The following HRNR variants were observed in gnomAD, a reference collection of about 807,000 sequenced individuals.
HRNR encodes the protein hornerin.
Under a neutral mutation model 4.8 loss-of-function variants are expected in HRNR, and 7 were observed. That is an observed-to-expected ratio of 1.47 (90% confidence interval 0.83 to 2.75). HRNR has a LOEUF of 2.75. Among genes scored for constraint, HRNR ranks in the 30% most tolerant of loss-of-function variants. HRNR has a pLI of 0.00. For missense variants in HRNR, 2,879 were observed against 3,010.4 expected (o/e 0.96, Z 1.02); for synonymous variants, 1,023 against 1,242.7 (o/e 0.82, Z 3.72).
In HRNR at chr1:152,218,855, C is replaced by T. The variant is rs141472304; in HGVS notation, c.2774G>A (p.Gly925Asp). 5 of 1,613,818 alleles carry T rather than the reference C, an allele frequency of 3.1e-6. No homozygotes were observed. The highest frequency in any genetic ancestry group is 1.7e-5 in the Admixed American group (1 of 60,002). Residue 925 changes from glycine (G) to aspartate (D), a missense_variant, in exon 3 of 3, where the codon GGC (glycine) becomes GAC (aspartate). Gly to Asp is a moderately conservative substitution (Grantham distance 94, BLOSUM62 -1). Coordinates refer to ENST00000368801, the MANE Select transcript of HRNR (RefSeq NM_001009931.3). ...RSSSSGRHGSGSGQSSGFGHK... is the reference protein window; with the variant it reads ...RSSSSGRHGSDSGQSSGFGHK... ...ACCAAAGCCAGAAGACTGGCCTGAG[C>T]CAGACCCATGTCGGCCACTGCTGGA...
At chr1:152,223,682 C>T (rs1463920238) in intron 1 of HRNR, among the ~76,000 whole-genome samples, 1 of 152,166 alleles carries the variant, frequency 6.6e-6, no homozygotes, top group Non-Finnish European at 1.5e-5. Context: ...CCTTACTCAA[C>T]CTAAGGAGCA....
chr1:152,219,144 T>C lies in HRNR; in HGVS notation c.2485A>G (p.Ser829Gly). Residue 829 changes from serine to glycine, a missense_variant, in exon 3 of 3, where the codon AGT (serine) becomes GGT (glycine). Ser to Gly is a moderately conservative substitution (Grantham distance 56). Around this residue, in one of 8 missense-constraint regions of HRNR, gnomAD observed 2,646 missense variants for 1,377.7 expected, o/e 1.92. Coordinates refer to ENST00000368801, the MANE Select transcript of HRNR (RefSeq NM_001009931.3). ...QHESGSGQGY[S>G]QHGSASGHFS... is the part of the protein sequence containing the mutation. Reference sequence around the variant, plus strand: ...TGACCTGAGGCAGAACCATGCTGACTATAGCCCTGTCCTGAGCCAGACTCG... The same window carrying C: ...TGACCTGAGGCAGAACCATGCTGACCATAGCCCTGTCCTGAGCCAGACTCG... The C allele has an allele frequency of 6.2e-7, 1 of 1,612,996 alleles. No individual in the cohort carries two copies. Among genetic ancestry groups the C allele is most frequent in the Non-Finnish European group, 8.5e-7 (1 of 1,179,864 alleles).
At position 152,219,225 on chromosome 1, in the gene HRNR, A is replaced by T. The variant is rs143461895; in HGVS notation, c.2404T>A (p.Ser802Thr). Residue 802 changes from serine to threonine, a missense_variant, in exon 3 of 3, where the codon TCC becomes ACC. This residue lies in a region of HRNR where 2,646 missense variants were observed against 1,377.7 expected (regional missense o/e 1.92). Coordinates refer to ENST00000368801, the MANE Select transcript of HRNR (RefSeq NM_001009931.3). ...CCAGACTCATAATGGCCACAGCTGG[A>T]AGAACAACTTGTGCCAGACCCGTGT... ...GQHGSGTSCS[S>T]SCGHYESGSG... 1.4e-5 allele frequency: 23 copies of T among 1,613,866 alleles called. No individual in the cohort carries two copies. The East Asian group carries it at 4.7e-4, about 33-fold the overall frequency.
chr1:152,220,559 T>G lies in HRNR; in HGVS notation c.1070A>C (p.Gln357Pro), dbSNP rs1322067492. ...ACCATGCTTACTATAGCCAGAGGACTGTCCTGAGCCAGACTCATGTTGCCC... is the reference window on the plus strand; with the variant it reads ...ACCATGCTTACTATAGCCAGAGGACGGTCCTGAGCCAGACTCATGTTGCCC... ...GFGQHESGSG[Q>P]SSGYSKHGSG... The change falls in exon 3 of 3, where the codon CAG becomes CCG. Residue 357 changes from glutamine to proline, a missense_variant. Gln to Pro is a moderately conservative substitution (Grantham distance 76). This residue lies in a region of HRNR where 2,646 missense variants were observed against 1,377.7 expected (regional missense o/e 1.92). Coordinates refer to ENST00000368801, the MANE Select transcript of HRNR (RefSeq NM_001009931.3). The G allele has an allele frequency of 6.2e-7, 1 of 1,611,492 alleles. No homozygotes were observed. Among genetic ancestry groups the G allele is most frequent in the African/African-American group, 1.3e-5 (1 of 74,830 alleles).
rs1358943789 is a variant in HRNR, at chr1:152,219,557, T to C, written c.2072A>G (p.His691Arg). Residue 691 changes from histidine (H) to arginine (R), a missense_variant, in exon 3 of 3, where the codon CAT becomes CGT. By Grantham distance (29) the His-to-Arg change is conservative. Around this residue, in one of 8 missense-constraint regions of HRNR, gnomAD observed 2,646 missense variants for 1,377.7 expected, o/e 1.92. Coordinates refer to ENST00000368801, the MANE Select transcript of HRNR (RefSeq NM_001009931.3). ...GSGWSSSNGP[H>R]GSVSGQSSGF... Reference sequence around the variant, plus strand: ...GGAAGACTGGCCTGAGACAGACCCATGTGGGCCATTGCTTGAAGACCAACC... The same window carrying C: ...GGAAGACTGGCCTGAGACAGACCCACGTGGGCCATTGCTTGAAGACCAACC... 8 of 1,613,610 alleles carry C rather than the reference T, an allele frequency of 5.0e-6. No homozygotes were observed. In the Admixed American group the frequency reaches 1.0e-4, roughly 20 times the overall value.
At position 152,219,078 on chromosome 1, in the gene HRNR, A is replaced by G. The variant is rs200748489; in HGVS notation, c.2551T>C (p.Ser851Pro). 6.2e-7 allele frequency: 1 copy of G among 1,613,588 alleles called. No individual in the cohort carries two copies. The highest frequency in any genetic ancestry group is 1.1e-5 in the South Asian group (1 of 91,074). ...GAGTCATGTTGGCCGGAGCTTGATG[A>G]CTGCCCTGACGTAGATCCATGTCGT... Reference protein sequence around the residue: ...QGRHGSTSGQSSSSGQHDSSS... With the variant: ...QGRHGSTSGQPSSSGQHDSSS... Residue 851 changes from serine (S) to proline (P), a missense_variant, in exon 3 of 3, where the codon TCA becomes CCA. Around this residue, in one of 8 missense-constraint regions of HRNR, gnomAD observed 2,646 missense variants for 1,377.7 expected, o/e 1.92. Transcript: ENST00000368801.
chr1:152,218,805 A>G lies in HRNR; in HGVS notation c.2824T>C (p.Ser942Pro). The G allele has an allele frequency of 4.3e-6, 7 of 1,613,796 alleles. No individual in the cohort carries two copies. The highest frequency in any genetic ancestry group is 1.3e-5 in the African/African-American group (1 of 74,878). The part of the protein sequence containing the change: ...FGHKSSSGQS[S>P]GYTQHGSGSG... ...CCAGATCCATGCTGAGTGTAACCAG[A>G]GGACTGCCCTGAGCTAGACTTGTGA... Residue 942 changes from serine (S) to proline (P), a missense_variant, in exon 3 of 3, where the codon TCT becomes CCT. Around this residue, in one of 8 missense-constraint regions of HRNR, gnomAD observed 2,646 missense variants for 1,377.7 expected, o/e 1.92. Transcript: ENST00000368801.
At position 152,212,788 on chromosome 1, in the gene HRNR, A is replaced by G; in HGVS notation, c.*288T>C. On this transcript the variant is annotated 3_prime_UTR_variant, in exon 3 of 3. Transcript: ENST00000368801. ...AAAAGACAACTCCAACTAAACCCAA[A>G]GCTCTTTAAAAGCTTTTCATTATTC... 2.2e-6 allele frequency: 1 copy of G among 458,956 alleles called. No individual in the cohort carries two copies. Among genetic ancestry groups the G allele is most frequent in the Non-Finnish European group, 3.8e-6 (1 of 260,852 alleles). 28.4% of individuals were successfully genotyped at this position (458,956 alleles called of 1,614,324 possible).
rs1384389082 is a variant in HRNR at position 152,219,939 on chromosome 1, C to T, written c.1690G>A (p.Gly564Ser). ...QSSSYGPHGY[G>S]SGRSSSRGPY... ...CCACGGCTTGAAGACCTCCCTGAGC[C>T]ATACCCATGTGGGCCATAGCTGGAA... Residue 564 changes from glycine (G) to serine (S), a missense_variant, in exon 3 of 3, where the codon GGC becomes AGC. By Grantham distance (56) the Gly-to-Ser change is moderately conservative. This residue lies in a region of HRNR where 2,646 missense variants were observed against 1,377.7 expected (regional missense o/e 1.92). Transcript: ENST00000368801. The T allele has an allele frequency of 6.2e-7, 1 of 1,613,458 alleles. No homozygotes were observed. Among genetic ancestry groups the T allele is most frequent in the Non-Finnish European group, 8.5e-7 (1 of 1,179,630 alleles).
At position 152,221,457 on chromosome 1, in the gene HRNR, AG is replaced by A; in HGVS notation, c.171del (p.Leu58CysfsTer19). ...TTATGGTCTCGATCCAGACTTTGCA[AG>A]ATGATATCCACAGTATCTGGATCGT... ...NPNDPDTVDI[I>X]LQSLDRDHNK... On this transcript the variant is annotated frameshift_variant, in exon 3 of 3. Transcript: ENST00000368801. LOFTEE classifies it low-confidence loss of function (END_TRUNC). 1 of 1,610,720 alleles carries A rather than the reference AG, an allele frequency of 6.2e-7. No homozygotes were observed. The highest frequency in any genetic ancestry group is 8.5e-7 in the Non-Finnish European group (1 of 1,178,020).
chr1:152,213,173 T>A lies in HRNR; in HGVS notation c.8456A>T (p.His2819Leu), dbSNP rs61314345. The change falls in exon 3 of 3, where the codon CAT becomes CTT. Residue 2819 changes from histidine (H) to leucine (L), a missense_variant. Physicochemically the swap from His to Leu is moderately conservative, Grantham distance 99. This residue lies in a region of HRNR where 158 missense variants were observed against 107.6 expected (regional missense o/e 1.47). Transcript: ENST00000368801. ...GYSYCKGGSN[H>L]DGGSSGSYFL... ...ATATGAGCCAGAACTTCCCCCATCATGGTTACTTCCTCCTTTGCAATAAGA... is the reference window on the plus strand; with the variant it reads ...ATATGAGCCAGAACTTCCCCCATCAAGGTTACTTCCTCCTTTGCAATAAGA... 8 of 1,614,108 alleles carry A rather than the reference T, an allele frequency of 5.0e-6. No individual in the cohort carries two copies. The highest frequency in any genetic ancestry group is 6.8e-6 in the Non-Finnish European group (8 of 1,180,048).
rs1217986135 is a variant in HRNR at position 152,213,049 on chromosome 1, T to C, written c.*27A>G. 15 of 1,587,070 alleles carry C rather than the reference T, an allele frequency of 9.5e-6. No individual in the cohort carries two copies. Among genetic ancestry groups the C allele is most frequent in the Non-Finnish European group, 1.3e-5 (15 of 1,166,892 alleles). On this transcript the variant is annotated 3_prime_UTR_variant, in exon 3 of 3. Transcript: ENST00000368801. ...CTTTCCTATTTCTTAAATTGCTACT[T>C]GAGTAAATTGCATTTATGTTTATTA...
At position 152,219,271 on chromosome 1, in the gene HRNR, C is replaced by A. The variant is rs775651533; in HGVS notation, c.2358G>T (p.Gly786=). 1.5e-5 allele frequency: 25 copies of A among 1,613,006 alleles called. No homozygotes were observed. The highest frequency in any genetic ancestry group is 1.7e-6 in the Non-Finnish European group (2 of 1,179,798). The change falls in exon 3 of 3, where the codon GGG becomes GGT. Residue 786 remains glycine (G), a synonymous_variant. Coordinates refer to ENST00000368801, the MANE Select transcript of HRNR (RefSeq NM_001009931.3). ...CGTGTTGGCCGTGGCTGGAGGAGTG[C>A]CCTGAACTGGACCCATGTCGGACAC... ...PSRVRHGSSS[G]HSSSHGQHGS...
rs566043986 is a variant in HRNR at position 152,218,541 on chromosome 1, C to T, written c.3088G>A (p.Gly1030Ser). ...CCACGGCTTGAAGACCACCCTGAGC[C>T]AGACCTATATGGGCCATAGCTGGAA... ...QSSSYGPYRS[G>S]SGWSSSRGPY... Residue 1030 changes from glycine to serine, a missense_variant, in exon 3 of 3, where the codon GGC becomes AGC. This residue lies in a region of HRNR where 2,646 missense variants were observed against 1,377.7 expected (regional missense o/e 1.92). Coordinates refer to ENST00000368801, the MANE Select transcript of HRNR (RefSeq NM_001009931.3). The T allele has an allele frequency of 2.5e-6, 4 of 1,613,838 alleles. No homozygotes were observed. The highest frequency in any genetic ancestry group is 2.2e-5 in the East Asian group (1 of 44,830).
rs753839833 is a variant in HRNR at position 152,218,554 on chromosome 1, G to T, written c.3075C>A (p.Gly1025=). Residue 1025 remains glycine (G), a synonymous_variant, in exon 3 of 3, where the codon GGC becomes GGA. Coordinates refer to ENST00000368801, the MANE Select transcript of HRNR (RefSeq NM_001009931.3). ...GSGSGQSSSY[G]PYRSGSGWSS... is the part of the protein sequence containing the mutation. ...ACCACCCTGAGCCAGACCTATATGG[G>T]CCATAGCTGGAAGACTGCCCGGAAC... is the stretch of plus-strand genomic sequence containing the variant. 5.0e-6 allele frequency: 8 copies of T among 1,613,762 alleles called. No individual in the cohort carries two copies. Among genetic ancestry groups the T allele is most frequent in the South Asian group, 1.1e-5 (1 of 91,060 alleles).
At position 152,219,101 on chromosome 1, in the gene HRNR, C is replaced by G. The variant is rs199883053; in HGVS notation, c.2528G>C (p.Arg843Pro). ...TGACTGCCCTGACGTAGATCCATGT[C>G]GTCCCTGGCTAGAGAAGTGACCTGA... ...SASGHFSSQG[R>P]HGSTSGQSSS... is the part of the protein sequence containing the mutation. The change falls in exon 3 of 3, where the codon CGA becomes CCA. Residue 843 changes from arginine to proline, a missense_variant. Physicochemically the swap from Arg to Pro is moderately radical, Grantham distance 103 (BLOSUM62 -2). This residue lies in a region of HRNR where 2,646 missense variants were observed against 1,377.7 expected (regional missense o/e 1.92). Coordinates refer to ENST00000368801, the MANE Select transcript of HRNR (RefSeq NM_001009931.3). The G allele has an allele frequency of 1.9e-6, 3 of 1,613,090 alleles. No homozygotes were observed. The highest frequency in any genetic ancestry group is 1.3e-5 in the African/African-American group (1 of 74,552).
At chr1:152,221,573 A>T in intron 2 of HRNR, 83 bp from the exon 3 acceptor site, 1 of 1,090,278 alleles carries the variant, frequency 9.2e-7, no homozygotes, top group Non-Finnish European at 1.3e-6. Flanking sequence ...AGATGTGAAA[A>T]TGTAAATGTT....
Position 152,219,520 on chromosome 1 carries a change from G to T in HRNR, c.2109C>A (p.His703Gln). The T allele has an allele frequency of 1.2e-6, 2 of 1,613,290 alleles. No homozygotes were observed. Among genetic ancestry groups the T allele is most frequent in the South Asian group, 1.1e-5 (1 of 91,022 alleles). Residue 703 changes from histidine (H) to glutamine (Q), a missense_variant, in exon 3 of 3, where the codon CAC becomes CAA. Around this residue, in one of 8 missense-constraint regions of HRNR, gnomAD observed 2,646 missense variants for 1,377.7 expected, o/e 1.92. Transcript: ENST00000368801. ...CAGAGGACTGCCCTGAGCCAGACTTGTGACCAAAGCCGGAAGACTGGCCTG... is the reference window on the plus strand; with the variant it reads ...CAGAGGACTGCCCTGAGCCAGACTTTTGACCAAAGCCGGAAGACTGGCCTG... ...SVSGQSSGFG[H>Q]KSGSGQSSGY...
chr1:152,218,829 G>T lies in HRNR; in HGVS notation c.2800C>A (p.His934Asn). 1.9e-6 allele frequency: 3 copies of T among 1,613,872 alleles called. No individual in the cohort carries two copies. The African/African-American group carries it at 4.0e-5, about 22-fold the overall frequency. Residue 934 changes from histidine to asparagine, a missense_variant, in exon 3 of 3, where the codon CAC (histidine) becomes AAC (asparagine). Physicochemically the swap from His to Asn is moderately conservative, Grantham distance 68. Around this residue, in one of 8 missense-constraint regions of HRNR, gnomAD observed 2,646 missense variants for 1,377.7 expected, o/e 1.92. Transcript: ENST00000368801. ...GAGGACTGCCCTGAGCTAGACTTGT[G>T]ACCAAAGCCAGAAGACTGGCCTGAG... Reference protein sequence around the residue: ...SGSGQSSGFGHKSSSGQSSGY... With the variant: ...SGSGQSSGFGNKSSSGQSSGY...
Sources: gnomAD v4.1 joint callset for allele counts (sites outside exome capture counted in the v4.1 genomes callset) on GRCh38, gnomAD v4.1.1 for gene constraint, gnomAD v4.1.1 regional missense constraint, MANE v1.5 for transcripts, NCBI Gene and HGNC (gene_info 2026-07-23, HGNC 2026-07-21) for gene names.